Variants in ACTN3 observed in about 807,000 individuals in gnomAD.
ACTN3 encodes alpha-actinin-3.
Under a neutral mutation model 119.6 loss-of-function variants are expected in ACTN3, and 91 were observed. The observed-to-expected ratio is 0.76, with a 90% CI of 0.64 to 0.91. The LOEUF is 0.91. Ranked by LOEUF, ACTN3 falls within the 40% of genes least tolerant of loss-of-function variation. The pLI, the probability that ACTN3 is intolerant of heterozygous loss-of-function variation, is 0.00. For missense variants in ACTN3, 1,221 were observed against 1,215.1 expected, an observed-to-expected ratio of 1.00 and a Z score of -0.07; for synonymous variants, 456 against 478.8, an observed-to-expected ratio of 0.95 and a Z score of 0.62.
upstream of ACTN3, chr11:66,546,465 G>GA: frequency 6.8e-7 from 1 of 1,470,442 alleles, no homozygotes; most frequent in Non-Finnish European, 9.1e-7. Context: ...CATCACCCCA[G>GA]AAAACATGCA....
chr11:66,555,501 C>T (rs1857573897), intron 7 of ACTN3, 134 bp downstream of exon 7: 2 of 849,882 alleles, frequency 2.4e-6, no homozygotes, highest in Non-Finnish European at 1.9e-6. Context: ...TGGTCACAGT[C>T]CCCCTTCTCC....
chr11:66,557,850 T>A lies in ACTN3; in HGVS notation c.1049T>A (p.Ile350Asn). 1 of 1,614,080 alleles carries A rather than the reference T, an allele frequency of 6.2e-7. No homozygotes were observed. The change falls in exon 10 of 21, where the codon ATC (isoleucine) becomes AAC (asparagine). Residue 350 changes from isoleucine to asparagine, a missense_variant. By Grantham distance (149) the Ile-to-Asn change is moderately radical. This residue lies in a region of ACTN3 where 934 missense variants were observed against 899.9 expected (regional missense o/e 1.04). Transcript: ENST00000513398. ...PRIQEKCQLE[I>N]NFNTLQTKLR... ...ATTCAGGAAAAGTGCCAGCTGGAGA[T>A]CAACTTCAACACACTGCAGACCAAG... is the stretch of plus-strand genomic sequence containing the variant.
Position 66,560,078 on chromosome 11 carries a change from T to TGGGGCTGGGGGCCGG in ACTN3, c.1536+5_1536+19dup. On this transcript the variant is annotated splice_region_variant and intron_variant, in intron 13 of 20. Coordinates refer to ENST00000513398, the MANE Select transcript of ACTN3 (RefSeq NM_001104.4). ...CAGAAGAGGCGGGATGCGCTAGAGG[T>TGGGGCTGGGGGCCGG]GGGGCTGGGGGCCGGGGAGCTGGGG... 1 of 854,744 alleles carries TGGGGCTGGGGGCCGG rather than the reference T, an allele frequency of 1.2e-6. No homozygotes were observed. Among genetic ancestry groups the TGGGGCTGGGGGCCGG allele is most frequent in the Non-Finnish European group, 1.5e-6 (1 of 686,490 alleles). The allele number at this position is 854,744 out of a possible 1,614,324, so 52.9% of individuals were successfully genotyped here.
chr11:66,551,048 C>T (rs1316320647), intron 1 of ACTN3, 191 bp from the exon 2 acceptor site: 6 of 685,958 alleles, frequency 8.7e-6, no homozygotes, highest in Non-Finnish European at 1.3e-5. Context: ...TTTCTCCCCT[C>T]TCAGGAAAAC....
Position 66,559,217 on chromosome 11 carries a change from C to T in ACTN3, c.1277-19C>T. On this transcript the variant is annotated intron_variant, in intron 11 of 20. Transcript: ENST00000513398. ...CCCTGCCGCCACTGGGTGACCGGAG[C>T]CGGCATCTCTTTGAGCAGGAAAGGA... 1 of 1,476,162 alleles carries T rather than the reference C, an allele frequency of 6.8e-7. No homozygotes were observed. The highest frequency in any genetic ancestry group is 9.0e-7 in the Non-Finnish European group (1 of 1,110,176). 91.4% of individuals were successfully genotyped at this position (1,476,162 alleles called of 1,614,324 possible). A position where few individuals can be genotyped will look rare whatever the true frequency, so the allele number is the denominator to read the frequency against.
At chr11:66,548,731 C>T (rs955418163) in intron 1 of ACTN3, among the ~76,000 whole-genome samples, 8 of 152,176 alleles carry the variant, frequency 5.3e-5, no homozygotes, top group Non-Finnish European at 1.2e-4. Context: ...TGGAGCAGCA[C>T]GCTGCCTCCT....
chr11:66,553,344 G>T (rs569867843), intron 3 of ACTN3, among the ~76,000 whole-genome samples: 5 of 149,156 alleles, frequency 3.4e-5, no homozygotes, highest in Admixed American at 6.7e-5. Flanking sequence ...ATTTGAGGTC[G>T]GGAGTTCGAG....
rs145173944 is a variant in ACTN3 at position 66,547,631 on chromosome 11, A to G, written c.147+547A>G. On this transcript the variant is annotated intron_variant, in intron 1 of 20. Transcript: ENST00000513398. Reference sequence around the variant, plus strand: ...CAGGCCCCACATCACAGACTGTCAGACATCAGGACCCCCGCAACCTGAGGA... The same window carrying G: ...CAGGCCCCACATCACAGACTGTCAGGCATCAGGACCCCCGCAACCTGAGGA... Among the ~76,000 whole-genome samples the G allele has an allele frequency of 3.8e-3, 573 of 152,270 alleles. 4 individuals are homozygous for G. Among genetic ancestry groups the G allele is most frequent in the African/African-American group, 0.013 (544 of 41,548 alleles).
intron 4 of ACTN3, 63 bp from the exon 5 acceptor site, chr11:66,554,471 AAG>A (rs1491054559): frequency 1.6e-6 from 2 of 1,268,042 alleles, no homozygotes; most frequent in South Asian, 1.5e-5. Context: ...AAAAAAAAAA[AAG>A]AAGTGTGAGA....
chr11:66,557,652 C>A, intron 9 of ACTN3, 47 bp from the exon 10 acceptor site: 1 of 1,560,984 alleles, frequency 6.4e-7, no homozygotes, highest in Middle Eastern at 1.7e-4. Flanking sequence ...GTGAGCTGGG[C>A]AGGTCAGCGC....
Position 66,561,553 on chromosome 11 carries a change from T to C in ACTN3, c.2091T>C (p.Thr697=), listed in dbSNP as rs144427563. The C allele has an allele frequency of 2.9e-4, 464 of 1,612,534 alleles. 4 individuals are homozygous for C. In the Middle Eastern group the frequency reaches 4.8e-3, roughly 17 times the overall value. The stretch of plus-strand genomic sequence containing the variant: ...AGCAGAACATTATCAACTACAAGAC[T>C]AACATTGACCGGCTGGAGGGTGACC... The part of the protein sequence containing the change: ...QQEQNIINYK[T]NIDRLEGDHQ... Residue 697 remains threonine (T), a synonymous_variant, in exon 17 of 21, where the codon ACT becomes ACC. Transcript: ENST00000513398.
At chr11:66,546,807 C>A (rs775148297), upstream of ACTN3, 10 of 1,531,614 alleles carry the variant, frequency 6.5e-6, no homozygotes, top group South Asian at 2.4e-5. Flanking sequence ...AGCTCCTTCA[C>A]CCCCATCCGG....
chr11:66,560,333 G>A, intron 14 of ACTN3, 22 bp downstream of exon 14: 2 of 1,602,062 alleles, frequency 1.2e-6, no homozygotes, highest in South Asian at 2.2e-5. Context: ...GGTTGCAGGG[G>A]ATGGATAGGA....
At chr11:66,554,407 A>C in intron 4 of ACTN3, 129 bp from the exon 5 acceptor site, 1 of 735,750 alleles carries the variant, frequency 1.4e-6, no homozygotes, top group East Asian at 2.7e-5. Context: ...GCGGTGAGCC[A>C]TGATCGTGTC....
chr11:66,562,844 G>T lies in ACTN3; in HGVS notation c.2437G>T (p.Ala813Ser), dbSNP rs1488833955. 3.1e-6 allele frequency: 5 copies of T among 1,613,860 alleles called. No individual in the cohort carries two copies. The highest frequency in any genetic ancestry group is 4.2e-6 in the Non-Finnish European group (5 of 1,179,808). Residue 813 changes from alanine (A) to serine (S), a missense_variant, in exon 20 of 21, where the codon GCT becomes TCT. This residue lies in a region of ACTN3 where 934 missense variants were observed against 899.9 expected (regional missense o/e 1.04). Transcript: ENST00000513398. ...RIMTMVDPNA[A>S]GVVTFQAFID... The stretch of plus-strand genomic sequence containing the variant: ...CATGACCATGGTGGACCCCAACGCA[G>T]CTGGGGTGGTGACCTTCCAGGCCTT...
intron 9 of ACTN3, 66 bp from the exon 10 acceptor site, chr11:66,557,633 G>A: frequency 6.6e-7 from 1 of 1,518,740 alleles, no homozygotes; most frequent in Admixed American, 1.9e-5. Flanking sequence ...TGTGGGTGGA[G>A]AGGGGTGGGT....
At chr11:66,546,885 G>A, upstream of ACTN3, 1 of 1,513,422 alleles carries the variant, frequency 6.6e-7, no homozygotes, top group Middle Eastern at 1.8e-4. Context: ...ACTTAATGGG[G>A]CCCGGGTGTC....
chr11:66,557,610 G>A, intron 9 of ACTN3, 89 bp from the exon 10 acceptor site: 1 of 1,401,418 alleles, frequency 7.1e-7, no homozygotes, highest in Non-Finnish European at 9.7e-7. Flanking sequence ...CTACACTCTG[G>A]CCACAGCCTG....
chr11:66,558,614 C>G (rs1857658856), intron 11 of ACTN3, among the ~76,000 whole-genome samples: 1 of 152,142 alleles, frequency 6.6e-6, no homozygotes, highest in South Asian at 2.1e-4. Flanking sequence ...GTGATCCACC[C>G]ACCTCAGCCT....
Sources: allele counts gnomAD v4.1 joint callset (sites outside exome capture counted in the v4.1 genomes callset), GRCh38; gene constraint gnomAD v4.1.1; regional missense constraint gnomAD v4.1.1; transcripts MANE v1.5; gene names NCBI Gene and HGNC (gene_info 2026-07-23, HGNC 2026-07-21).